TPTE: variants seen among roughly 807,000 people sequenced by gnomAD.
TPTE encodes transmembrane phosphatase with tensin homology.
A neutral mutation model predicts 84.1 loss-of-function variants in TPTE; 59 were observed. The observed-to-expected ratio is 0.70, with a 90% CI of 0.57 to 0.87. TPTE has a LOEUF of 0.87. TPTE is among the 40% of genes least tolerant of loss of function. The probability of loss-of-function intolerance (pLI) is 0.00; values close to 1 mark genes in which losing one functional copy is unlikely to be tolerated. For missense variants in TPTE, 382 were observed against 659.6 expected (o/e 0.58, Z 4.61); for synonymous variants, 130 against 223.5 (o/e 0.58, Z 3.73).
chr21:10,523,447 C>T (rs1196695832), intron 1 of TPTE, among the ~76,000 whole-genome samples: 5 of 126,520 alleles, frequency 4.0e-5, no homozygotes, highest in East Asian at 5.8e-4. Context: ...CTATCCCTCC[C>T]CCCTCCCCCC....
At chr21:10,522,103 GC>G (rs2073989640) in intron 1 of TPTE, among the ~76,000 whole-genome samples, 2 of 152,038 alleles carry the variant, frequency 1.3e-5, no homozygotes, top group Admixed American at 1.3e-4. Flanking sequence ...TCCTGCGGAG[GC>G]TCCCGCGCCG....
intron 14 of TPTE, among the ~76,000 whole-genome samples, chr21:10,575,363 C>T (rs1222098443): frequency 6.6e-6 from 1 of 152,312 alleles, no homozygotes; most frequent in Non-Finnish European, 1.5e-5. Context: ...TTTGATCTCT[C>T]CCTGAAATGG....
At chr21:10,581,646 C>G (rs2075273209) in intron 17 of TPTE, among the ~76,000 whole-genome samples, 1 of 152,304 alleles carries the variant, frequency 6.6e-6, no homozygotes, top group Non-Finnish European at 1.5e-5. Flanking sequence ...ATCTGGATGC[C>G]AATTTTTCTT....
At chr21:10,532,450 T>C (rs2074194945) in intron 3 of TPTE, among the ~76,000 whole-genome samples, 1 of 152,280 alleles carries the variant, frequency 6.6e-6, no homozygotes, top group African/African-American at 2.4e-5. Flanking sequence ...AGATACACAC[T>C]TTTGTTTTGT....
chr21:10,605,539 C>G lies in TPTE; in HGVS notation c.1643C>G (p.Ala548Gly), dbSNP rs1448082435. 6 of 1,614,010 alleles carry G rather than the reference C, an allele frequency of 3.7e-6. No homozygotes were observed. The African/African-American group carries it at 8.0e-5, about 22-fold the overall frequency. Residue 548 changes from alanine to glycine, a missense_variant, in exon 24 of 24, where the codon GCT becomes GGT. Physicochemically the swap from Ala to Gly is moderately conservative, Grantham distance 60 (BLOSUM62 0). Transcript: ENST00000618007. ...AAAATGACTTCCAGTGATGTTGTAG[C>G]TGGATCCGATTAAGTATAGCTCCCC... The part of the protein sequence containing the change: ...GEKMTSSDVV[A>G]GSD
intron 19 of TPTE, 135 bp from the exon 20 acceptor site, chr21:10,595,847 G>A: frequency 8.3e-7 from 1 of 1,198,630 alleles, no homozygotes; most frequent in Non-Finnish European, 1.2e-6. Flanking sequence ...AAAATATCTA[G>A]TTATATTATG....
intron 14 of TPTE, among the ~76,000 whole-genome samples, chr21:10,575,279 A>G (rs1039382861): frequency 2.6e-5 from 4 of 152,306 alleles, no homozygotes; most frequent in Non-Finnish European, 4.4e-5. Context: ...CAGGACCCCA[A>G]TCAATTCCTC....
chr21:10,568,038 A>G (rs1443193335), intron 11 of TPTE, among the ~76,000 whole-genome samples: 1 of 152,258 alleles, frequency 6.6e-6, no homozygotes, highest in African/African-American at 2.4e-5. Context: ...TACCCCAAAG[A>G]AGGACTTTTA....
intron 8 of TPTE, among the ~76,000 whole-genome samples, chr21:10,558,765 T>C (rs1249879344): frequency 6.6e-6 from 1 of 152,056 alleles, no homozygotes; most frequent in African/African-American, 2.4e-5. Context: ...GTTGGAGGCT[T>C]CTCCTCCTGA....
chr21:10,522,259 G>C (rs2073994137), intron 1 of TPTE, among the ~76,000 whole-genome samples: 1 of 152,298 alleles, frequency 6.6e-6, no homozygotes, highest in Non-Finnish European at 1.5e-5. Context: ...GGGCGATCCC[G>C]GGCTGCATCC....
At chr21:10,532,733 TTTAAC>T (rs1345822437) in intron 3 of TPTE, among the ~76,000 whole-genome samples, 1 of 152,306 alleles carries the variant, frequency 6.6e-6, no homozygotes, top group African/African-American at 2.4e-5. Context: ...TGATTTCCCT[TTTAAC>T]ATAAGAGGCA....
intron 10 of TPTE, among the ~76,000 whole-genome samples, chr21:10,561,741 T>C: frequency 6.6e-6 from 1 of 152,310 alleles, no homozygotes; most frequent in Non-Finnish European, 1.5e-5. Context: ...AGGTAGACTT[T>C]TACAGTTTTT....
At chr21:10,575,160 C>A (rs1417831113) in intron 14 of TPTE, among the ~76,000 whole-genome samples, 2 of 152,312 alleles carry the variant, frequency 1.3e-5, no homozygotes, top group Non-Finnish European at 2.9e-5. Flanking sequence ...ATAGACTCAG[C>A]CACTCCAGCC....
chr21:10,526,416 G>T (rs1211755992), intron 2 of TPTE, among the ~76,000 whole-genome samples: 46 of 152,420 alleles, frequency 3.0e-4, no homozygotes, highest in Non-Finnish European at 4.8e-4. Context: ...GACATAAAAA[G>T]ATACCATTTA....
intron 3 of TPTE, among the ~76,000 whole-genome samples, chr21:10,536,014 A>C (rs1402508247): frequency 6.6e-6 from 1 of 152,310 alleles, no homozygotes; most frequent in Admixed American, 6.5e-5. Context: ...ATGGTGGCTC[A>C]TATCTGTAAT....
At chr21:10,533,621 T>C (rs2074217365) in intron 3 of TPTE, among the ~76,000 whole-genome samples, 1 of 152,306 alleles carries the variant, frequency 6.6e-6, no homozygotes, top group South Asian at 2.1e-4. Context: ...ACTTTTTCCT[T>C]TCAAAAGTGT....
At chr21:10,537,664 C>T (rs1443678368) in intron 3 of TPTE, among the ~76,000 whole-genome samples, 11 of 146,076 alleles carry the variant, frequency 7.5e-5, no homozygotes, top group South Asian at 2.1e-4. Context: ...GGCAACAGAG[C>T]GAGACTCCCC....
At chr21:10,565,510 A>G (rs1253313384) in intron 10 of TPTE, among the ~76,000 whole-genome samples, 1 of 152,312 alleles carries the variant, frequency 6.6e-6, no homozygotes, top group Non-Finnish European at 1.5e-5. Flanking sequence ...AAACAATCTT[A>G]AAATTTATAT....
chr21:10,605,708 T>G lies in TPTE; in HGVS notation c.*156T>G. 4 of 1,327,280 alleles carry G rather than the reference T, an allele frequency of 3.0e-6. No individual in the cohort carries two copies. Among genetic ancestry groups the G allele is most frequent in the Non-Finnish European group, 2.0e-6 (2 of 1,002,176 alleles). The allele number at this position is 1,327,280 out of a possible 1,614,324, so 82.2% of individuals were successfully genotyped here. A position where few individuals can be genotyped will look rare whatever the true frequency, so the allele number is the denominator to read the frequency against. On this transcript the variant is annotated 3_prime_UTR_variant, in exon 24 of 24. Transcript: ENST00000618007. ...TCTTCATAAATCTATTACATATATA[T>G]AGATAAAATGTCAGTGTCTTTCTTC...
Sources: gnomAD v4.1 joint callset for allele counts (sites outside exome capture counted in the v4.1 genomes callset) on GRCh38, gnomAD v4.1.1 for gene constraint, MANE v1.5 for transcripts, NCBI Gene and HGNC (gene_info 2026-07-23, HGNC 2026-07-21) for gene names.